Variants in B3GAT2 observed in about 807,000 individuals in gnomAD.
The protein encoded by B3GAT2 is galactosylgalactosylxylosylprotein 3-beta-glucuronosyltransferase 2.
A neutral mutation model predicts 27.8 loss-of-function variants in B3GAT2; 26 were observed. That is an observed-to-expected ratio of 0.93 (90% CI 0.68 to 1.30). The LOEUF is 1.30. Among genes scored for constraint, B3GAT2 ranks in the 50% most tolerant of loss-of-function variants. The pLI is 0.00. For missense variants in B3GAT2, 458 were observed against 459.0 expected (o/e 1.00, Z 0.02); for synonymous variants, 218 against 195.1 (o/e 1.12, Z -0.98).
At chr6:70,896,912 T>A (rs563137789) in intron 1 of B3GAT2, among the ~76,000 whole-genome samples, 3 of 152,350 alleles carry the variant, frequency 2.0e-5, no homozygotes, top group African/African-American at 2.4e-5. Flanking sequence ...CTCTTTTTTT[T>A]AAGATAAATA....
rs1771524502 is a variant in B3GAT2, at chr6:70,858,274, T to A, written c.*3389A>T. The A allele has an allele frequency of 2.4e-6, 3 of 1,275,648 alleles. No homozygotes were observed. The highest frequency in any genetic ancestry group is 3.2e-6 in the Non-Finnish European group (3 of 939,760). 79.0% of individuals were successfully genotyped at this position (1,275,648 alleles called of 1,614,324 possible). On this transcript the variant is annotated 3_prime_UTR_variant, in exon 4 of 4. Transcript: ENST00000230053. ...TAGCTTCTCCCAAATCAAACCAGAT[T>A]TATTTTCTAAATCTTTTTTTTTTTT...
chr6:70,929,925 C>T (rs1773032191), intron 1 of B3GAT2, among the ~76,000 whole-genome samples: 1 of 152,180 alleles, frequency 6.6e-6, no homozygotes, highest in South Asian at 2.1e-4. Context: ...AGGCATCTTG[C>T]TACCTGACTT....
chr6:70,955,740 A>T (rs564663492), intron 1 of B3GAT2, 99 bp downstream of exon 1: 1 of 1,346,088 alleles, frequency 7.4e-7, no homozygotes, highest in African/African-American at 1.5e-5. Flanking sequence ...TGAGAACTCA[A>T]AAGTGCACCC....
At chr6:70,938,934 A>G (rs1582394556) in intron 1 of B3GAT2, among the ~76,000 whole-genome samples, 7 of 151,922 alleles carry the variant, frequency 4.6e-5, no homozygotes, top group Middle Eastern at 3.4e-3. Flanking sequence ...CTGCACAGCA[A>G]AAGAAACTAC....
At chr6:70,945,902 A>G (rs1562237342) in intron 1 of B3GAT2, among the ~76,000 whole-genome samples, 1 of 151,858 alleles carries the variant, frequency 6.6e-6, no homozygotes, top group Non-Finnish European at 1.5e-5. Context: ...GCCAGAAGAG[A>G]GTGGGGGCCA....
intron 1 of B3GAT2, among the ~76,000 whole-genome samples, chr6:70,902,758 A>G (rs1772528263): frequency 6.6e-6 from 1 of 151,882 alleles, no homozygotes; most frequent in Admixed American, 6.6e-5. Flanking sequence ...AAAAACTGGG[A>G]AGACATTATG....
chr6:70,878,214 C>G (rs1238645753), intron 2 of B3GAT2, among the ~76,000 whole-genome samples: 3 of 152,010 alleles, frequency 2.0e-5, no homozygotes, highest in Non-Finnish European at 4.4e-5. Context: ...TTTTCTACAG[C>G]CTTTTGTCTA....
chr6:70,916,756 G>A (rs180933686), intron 1 of B3GAT2, among the ~76,000 whole-genome samples: 3 of 152,218 alleles, frequency 2.0e-5, no homozygotes, highest in African/African-American at 4.8e-5. Context: ...CGACTTGATC[G>A]TAGTGGATAA....
intron 2 of B3GAT2, among the ~76,000 whole-genome samples, chr6:70,881,670 C>A (rs1302340812): frequency 1.3e-5 from 2 of 152,118 alleles, no homozygotes; most frequent in African/African-American, 2.4e-5. Context: ...ACCACACAAC[C>A]CCCACCTGAT....
At chr6:70,895,392 G>A (rs1366462879) in intron 1 of B3GAT2, among the ~76,000 whole-genome samples, 2 of 150,780 alleles carry the variant, frequency 1.3e-5, no homozygotes, top group Non-Finnish European at 2.9e-5. Context: ...AAATACAATA[G>A]AAATGAAAGT....
intron 2 of B3GAT2, among the ~76,000 whole-genome samples, chr6:70,884,433 T>G (rs180670610): frequency 2.5e-4 from 38 of 152,344 alleles, no homozygotes; most frequent in African/African-American, 8.7e-4. Flanking sequence ...AAACATTTGT[T>G]CAAGCTATTA....
chr6:70,945,235 C>T (rs975363803), intron 1 of B3GAT2, among the ~76,000 whole-genome samples: 2 of 152,154 alleles, frequency 1.3e-5, no homozygotes, highest in African/African-American at 4.8e-5. Flanking sequence ...ATGACTTTGA[C>T]GAGTTGAGAG....
intron 1 of B3GAT2, among the ~76,000 whole-genome samples, chr6:70,922,395 T>C (rs1772884635): frequency 6.6e-6 from 1 of 152,134 alleles, no homozygotes; most frequent in Non-Finnish European, 1.5e-5. Context: ...GCAGAATAAA[T>C]GTTATTTAAG....
chr6:70,899,229 C>T (rs527836666), intron 1 of B3GAT2, among the ~76,000 whole-genome samples: 1 of 152,100 alleles, frequency 6.6e-6, no homozygotes, highest in East Asian at 1.9e-4. Context: ...TAAATATGGC[C>T]ACAGAAATTC....
chr6:70,888,596 C>T (rs932195347), intron 2 of B3GAT2, among the ~76,000 whole-genome samples: 1 of 152,184 alleles, frequency 6.6e-6, no homozygotes, highest in African/African-American at 2.4e-5. Flanking sequence ...GCCCTCCTCC[C>T]CCATTCATCC....
At chr6:70,862,520 A>T (rs1771775363) in intron 2 of B3GAT2, among the ~76,000 whole-genome samples, 1 of 152,154 alleles carries the variant, frequency 6.6e-6, no homozygotes, top group African/African-American at 2.4e-5. Flanking sequence ...ATTTTTAATC[A>T]TCTGGTTTAT....
Position 70,856,903 on chromosome 6 carries a change from A to G in B3GAT2, c.*4760T>C. The G allele has an allele frequency of 6.2e-7, 1 of 1,613,956 alleles. No homozygotes were observed. Reference sequence around the variant, plus strand: ...CAGCTGCAACCCTGTCTACAGTAACATCTGGGGATCTAGATTTATTCACTG... The same window carrying G: ...CAGCTGCAACCCTGTCTACAGTAACGTCTGGGGATCTAGATTTATTCACTG... On this transcript the variant is annotated 3_prime_UTR_variant, in exon 4 of 4. Transcript: ENST00000230053.
Position 70,857,694 on chromosome 6 carries a change from A to G in B3GAT2, c.*3969T>C. 1.8e-6 allele frequency: 1 copy of G among 542,286 alleles called. No individual in the cohort carries two copies. The highest frequency in any genetic ancestry group is 3.3e-6 in the Non-Finnish European group (1 of 304,558). The allele number at this position is 542,286 out of a possible 1,614,324, so 33.6% of individuals were successfully genotyped here. On this transcript the variant is annotated 3_prime_UTR_variant, in exon 4 of 4. Coordinates refer to ENST00000230053, the MANE Select transcript of B3GAT2 (RefSeq NM_080742.3). ...TTTGTGTGGCTGTTGCATATGATTT[A>G]CATTTCTTAATTAAATTTACTCAGG...
intron 2 of B3GAT2, among the ~76,000 whole-genome samples, chr6:70,891,087 C>G (rs1039729799): frequency 6.6e-6 from 1 of 152,224 alleles, no homozygotes; most frequent in Non-Finnish European, 1.5e-5. Context: ...TGCCTCCCTT[C>G]AAAACAGAGC....
Sources: gnomAD v4.1 joint callset for allele counts (sites outside exome capture counted in the v4.1 genomes callset) on GRCh38, gnomAD v4.1.1 for gene constraint, MANE v1.5 for transcripts, NCBI Gene and HGNC (gene_info 2026-07-23, HGNC 2026-07-21) for gene names.